Variants in SEC14L1 observed in about 807,000 individuals in gnomAD.
SEC14L1 encodes SEC14 like lipid binding 1.
In SEC14L1, 48 loss-of-function variants were observed where a neutral mutation model predicts 85.3. That is an observed-to-expected ratio of 0.56 (90% CI 0.45 to 0.72). SEC14L1 has a LOEUF of 0.72. Ranked by LOEUF, SEC14L1 falls within the 30% of genes least tolerant of loss-of-function variation. SEC14L1 has a pLI of 0.00. For synonymous variants in SEC14L1, 391 were observed against 355.5 expected (o/e 1.10, Z -1.12); for missense variants, 682 against 921.4 (o/e 0.74, Z 3.36).
At chr17:77,121,505 C>T (rs1235006583) in intron 3 of SEC14L1, among the ~76,000 whole-genome samples, 3 of 152,046 alleles carry the variant, frequency 2.0e-5, no homozygotes, top group Non-Finnish European at 2.9e-5. Context: ...ATTACAGGCA[C>T]GTGCCACCAT....
At chr17:77,197,543 T>TA (rs1327830113) in intron 8 of SEC14L1, among the ~76,000 whole-genome samples, 1 of 152,230 alleles carries the variant, frequency 6.6e-6, no homozygotes, top group African/African-American at 2.4e-5. Context: ...TACTTTAATC[T>TA]TTCTAATGAG....
chr17:77,155,242 G>A (rs1478499689), intron 3 of SEC14L1, among the ~76,000 whole-genome samples: 2 of 152,174 alleles, frequency 1.3e-5, no homozygotes, highest in South Asian at 4.1e-4. Flanking sequence ...ACTGTCCCAG[G>A]CAGATTTAAT....
intron 3 of SEC14L1, among the ~76,000 whole-genome samples, chr17:77,148,213 A>G (rs1408103061): frequency 6.6e-6 from 1 of 152,118 alleles, no homozygotes; most frequent in Non-Finnish European, 1.5e-5. Context: ...GTAGGAGGGC[A>G]GGGTGGGAGA....
At position 77,213,740 on chromosome 17, in the gene SEC14L1, G is replaced by A. The variant is rs144739763; in HGVS notation, c.2043-178G>A. The A allele has an allele frequency of 1.1e-6, 1 of 897,664 alleles. No individual in the cohort carries two copies. Among genetic ancestry groups the A allele is most frequent in the Non-Finnish European group, 1.8e-6 (1 of 561,564 alleles). 55.6% of individuals were successfully genotyped at this position (897,664 alleles called of 1,614,324 possible). ...AGCTCACACTGCCGTCTGCGTGCAGGCTGTGGGAAGCCGGTCCCCCTGGTG... is the reference window on the plus strand; with the variant it reads ...AGCTCACACTGCCGTCTGCGTGCAGACTGTGGGAAGCCGGTCCCCCTGGTG... On this transcript the variant is annotated intron_variant, in intron 16 of 16. Transcript: ENST00000436233. This position sits in a 1 kb window ranked among gnomAD's most constrained non-coding sequence, Gnocchi z 7.1.
At chr17:77,114,005 C>G (rs1405046386) in intron 3 of SEC14L1, among the ~76,000 whole-genome samples, 4 of 152,176 alleles carry the variant, frequency 2.6e-5, no homozygotes, top group Non-Finnish European at 5.9e-5. Context: ...AAAATGCTCC[C>G]CAGGCACAGC....
At chr17:77,100,647 G>C (rs1201631330) in intron 3 of SEC14L1, among the ~76,000 whole-genome samples, 1 of 151,810 alleles carries the variant, frequency 6.6e-6, no homozygotes, top group East Asian at 1.9e-4. Context: ...ATGTTGGTCA[G>C]GCTGGCCTCA....
chr17:77,179,920 G>A (rs552881913), intron 3 of SEC14L1, among the ~76,000 whole-genome samples: 78 of 151,890 alleles, frequency 5.1e-4, no homozygotes, highest in Non-Finnish European at 9.1e-4. Context: ...CTTGTGACCC[G>A]CCCGCCTCAG....
chr17:77,199,230 C>G (rs1265860187), intron 8 of SEC14L1: 1 of 153,594 alleles, frequency 6.5e-6, no homozygotes, highest in East Asian at 1.9e-4. Flanking sequence ...TCTTGAACTC[C>G]TGACCTCAAG....
intron 8 of SEC14L1, chr17:77,198,810 G>A (rs1241523214): frequency 3.3e-5 from 5 of 152,168 alleles, no homozygotes; most frequent in Non-Finnish European, 5.9e-5. Context: ...CTGACCTCAT[G>A]ATCCACCCGC....
intron 3 of SEC14L1, among the ~76,000 whole-genome samples, chr17:77,118,211 T>A (rs182007115): frequency 6.6e-6 from 1 of 152,226 alleles, no homozygotes; most frequent in Non-Finnish European, 1.5e-5. Context: ...CTTTTCCCTA[T>A]CGTTTATCCT....
Position 77,211,866 on chromosome 17 carries a change from G to A in SEC14L1, c.1612-84G>A, listed in dbSNP as rs116094679. 2.0e-4 allele frequency: 307 copies of A among 1,546,674 alleles called. No homozygotes were observed. In the African/African-American group the frequency reaches 3.8e-3, roughly 19 times the overall value. ...CCCCAGCTTCAGCACCTGCACCCTGGATCCCCTGGAGAGCACGATGCGCTC... is the reference window on the plus strand; with the variant it reads ...CCCCAGCTTCAGCACCTGCACCCTGAATCCCCTGGAGAGCACGATGCGCTC... On this transcript the variant is annotated intron_variant, in intron 14 of 16. Coordinates refer to ENST00000436233, the MANE Select transcript of SEC14L1 (RefSeq NM_001143998.2).
upstream of SEC14L1, among the ~76,000 whole-genome samples, chr17:77,136,680 T>C (rs1972809474): frequency 6.6e-6 from 1 of 152,188 alleles, no homozygotes; most frequent in Admixed American, 6.5e-5. Flanking sequence ...ATGCATATCA[T>C]TTCCAAGGAA....
chr17:77,200,426 C>T (rs1486666576), intron 8 of SEC14L1, 58 bp from the exon 9 acceptor site: 3 of 1,459,316 alleles, frequency 2.1e-6, no homozygotes, highest in Middle Eastern at 2.3e-4. Flanking sequence ...ACCGCAGCCT[C>T]CCAAAGTTCC....
intron 6 of SEC14L1, among the ~76,000 whole-genome samples, chr17:77,194,190 AAC>A (rs1318238617): frequency 2.0e-5 from 3 of 152,218 alleles, no homozygotes; most frequent in African/African-American, 7.2e-5. Flanking sequence ...AATAAACAAA[AAC>A]ACAGAAGCAT....
intron 3 of SEC14L1, among the ~76,000 whole-genome samples, chr17:77,156,056 G>T (rs1489394783): frequency 1.3e-5 from 2 of 152,062 alleles, no homozygotes; most frequent in Non-Finnish European, 2.9e-5. Context: ...TTTTTGTCAT[G>T]ATCTTGGTGC....
chr17:77,129,169 G>T, intron 3 of SEC14L1, among the ~76,000 whole-genome samples: 1 of 152,194 alleles, frequency 6.6e-6, no homozygotes, highest in South Asian at 2.1e-4. Context: ...GATGCCTGGC[G>T]GTGGGAAGCA....
intron 3 of SEC14L1, among the ~76,000 whole-genome samples, chr17:77,128,802 G>A (rs1356881587): frequency 6.6e-6 from 1 of 152,104 alleles, no homozygotes; most frequent in Non-Finnish European, 1.5e-5. Context: ...GTGAAGGGGT[G>A]ATAGAGACTG....
At chr17:77,100,424 CTCTCTTT>C (rs1379129995) in intron 3 of SEC14L1, among the ~76,000 whole-genome samples, 7 of 35,284 alleles carry the variant, frequency 2.0e-4, no homozygotes, top group Non-Finnish European at 2.9e-4. Flanking sequence ...TTCTCTCTCT[CTCTCTTT>C]TTTTTTTTTT....
intron 3 of SEC14L1, among the ~76,000 whole-genome samples, chr17:77,159,675 G>A (rs987685304): frequency 3.9e-5 from 6 of 152,228 alleles, no homozygotes; most frequent in African/African-American, 9.6e-5. Flanking sequence ...CACCGCTCCC[G>A]GCCCTTGTCT....
Sources: gnomAD v4.1 joint callset for allele counts (sites outside exome capture counted in the v4.1 genomes callset) on GRCh38, gnomAD v4.1.1 for gene constraint, Gnocchi (gnomAD v3.1) non-coding constraint, MANE v1.5 for transcripts, NCBI Gene and HGNC (gene_info 2026-07-23, HGNC 2026-07-21) for gene names.